Variants in TMPRSS4 observed in about 807,000 individuals in gnomAD.
The protein encoded by TMPRSS4 is transmembrane protease serine 4.
A neutral mutation model predicts 56.4 loss-of-function variants in TMPRSS4; 45 were observed. The ratio of observed to expected loss-of-function variants is 0.80; its 90% confidence interval spans 0.63 to 1.02. The LOEUF is 1.02. Ranked by LOEUF, TMPRSS4 falls within the 50% of genes least tolerant of loss-of-function variation. The pLI, the probability that TMPRSS4 is intolerant of heterozygous loss-of-function variation, is 0.00. For synonymous variants in TMPRSS4, 205 were observed against 211.0 expected, an observed-to-expected ratio of 0.97 and a Z score of 0.25; for missense variants, 546 against 556.7, an observed-to-expected ratio of 0.98 and a Z score of 0.19.
At chr11:118,106,433 G>A (rs1214246920) in intron 5 of TMPRSS4, 1 of 151,300 alleles carries the variant, frequency 6.6e-6, no homozygotes, top group Non-Finnish European at 1.5e-5. Context: ...TCTTGTCCTA[G>A]AACCATAGGC....
Position 118,118,925 on chromosome 11 carries a change from G to T in TMPRSS4, c.*1012G>T, listed in dbSNP as rs1947696238. The T allele has an allele frequency of 3.0e-6, 3 of 985,316 alleles. No homozygotes were observed. In the Admixed American group the frequency reaches 1.8e-4, roughly 61 times the overall value. 61.0% of individuals were successfully genotyped at this position (985,316 alleles called of 1,614,324 possible). A position where few individuals can be genotyped will look rare whatever the true frequency, so the allele number is the denominator to read the frequency against. On this transcript the variant is annotated 3_prime_UTR_variant, in exon 13 of 13. Coordinates refer to ENST00000437212, the MANE Select transcript of TMPRSS4 (RefSeq NM_019894.4). ...TGTGAGGCAGTCCCCAAGCTGAGTTGTGAGGATGTAAGCATGAATAAGTCC... is the reference window on the plus strand; with the variant it reads ...TGTGAGGCAGTCCCCAAGCTGAGTTTTGAGGATGTAAGCATGAATAAGTCC...
At chr11:118,115,361 C>T (rs1947493783) in intron 11 of TMPRSS4, 81 bp downstream of exon 11, 31 of 1,515,212 alleles carry the variant, frequency 2.0e-5, no homozygotes, top group Middle Eastern at 1.8e-4. Flanking sequence ...AGGCTGCATG[C>T]CCTACAGGAA....
At chr11:118,125,250 G>A (rs1453656991), downstream of TMPRSS4, 2 of 456,564 alleles carry the variant, frequency 4.4e-6, no homozygotes, top group Admixed American at 4.7e-5. Flanking sequence ...GAAGATGGGA[G>A]ACAGGAAGGA....
chr11:118,115,414 A>G, intron 11 of TMPRSS4, 134 bp downstream of exon 11: 9 of 1,129,766 alleles, frequency 8.0e-6, no homozygotes, highest in Non-Finnish European at 1.1e-5. Context: ...GATGGGAGGA[A>G]GAGAGGGAGG....
chr11:118,098,256 C>T (rs1157441708), intron 2 of TMPRSS4, among the ~76,000 whole-genome samples: 7 of 152,268 alleles, frequency 4.6e-5, no homozygotes, highest in African/African-American at 1.4e-4. Flanking sequence ...GCACACCAGG[C>T]AGCCTACAGG....
intron 3 of TMPRSS4, among the ~76,000 whole-genome samples, chr11:118,101,139 GC>G (rs1946708225): frequency 6.6e-6 from 1 of 152,066 alleles, no homozygotes; most frequent in South Asian, 2.1e-4. Context: ...AATTAGATGG[GC>G]CCTGGCTCTA....
intron 8 of TMPRSS4, among the ~76,000 whole-genome samples, 158 bp from the exon 9 acceptor site, chr11:118,113,111 G>C (rs538071813): frequency 1.2e-4 from 18 of 152,134 alleles, no homozygotes; most frequent in African/African-American, 4.3e-4. Flanking sequence ...GTAAGTGCCA[G>C]AAGACTGCCC....
chr11:118,118,269 G>T lies in TMPRSS4; in HGVS notation c.*356G>T, dbSNP rs903431593. On this transcript the variant is annotated 3_prime_UTR_variant, in exon 13 of 13. Coordinates refer to ENST00000437212, the MANE Select transcript of TMPRSS4 (RefSeq NM_019894.4). ...TAAAAGCCCAGATCACTGTGGGCTG[G>T]AGAGGAGAAGGAAAGGGTCTGCGCC... is the stretch of plus-strand genomic sequence containing the variant. 12 of 1,181,840 alleles carry T rather than the reference G, an allele frequency of 1.0e-5. No individual in the cohort carries two copies. The highest frequency in any genetic ancestry group is 4.2e-5 in the Admixed American group (1 of 23,694). 73.2% of individuals were successfully genotyped at this position (1,181,840 alleles called of 1,614,324 possible). A position where few individuals can be genotyped will look rare whatever the true frequency, so the allele number is the denominator to read the frequency against.
rs1192200326 is a variant in TMPRSS4, at chr11:118,115,242, T to C, written c.1114T>C (p.Cys372Arg). ...YQGEVTEKMM[C>R]AGIPEGGVDT... ...GGGGGAAGTCACCGAGAAGATGATGTGTGCAGGCATCCCGGAAGGGGGTGT... is the reference window on the plus strand; with the variant it reads ...GGGGGAAGTCACCGAGAAGATGATGCGTGCAGGCATCCCGGAAGGGGGTGT... The change falls in exon 11 of 13, where the codon TGT (cysteine) becomes CGT (arginine). Residue 372 changes from cysteine (C) to arginine (R), a missense_variant. By Grantham distance (180) the Cys-to-Arg change is radical (BLOSUM62 -3). Coordinates refer to ENST00000437212, the MANE Select transcript of TMPRSS4 (RefSeq NM_019894.4). 3.7e-6 allele frequency: 6 copies of C among 1,612,032 alleles called. No individual in the cohort carries two copies. Among genetic ancestry groups the C allele is most frequent in the Non-Finnish European group, 5.1e-6 (6 of 1,179,710 alleles).
At chr11:118,124,882 G>A (rs150720699), downstream of TMPRSS4, among the ~76,000 whole-genome samples, 81 of 152,268 alleles carry the variant, frequency 5.3e-4, no homozygotes, top group Middle Eastern at 0.014. Context: ...TTCAATTTCC[G>A]CTCAGCCTCC....
intron 2 of TMPRSS4, among the ~76,000 whole-genome samples, chr11:118,096,503 G>A (rs1179372301): frequency 3.3e-5 from 5 of 152,190 alleles, no homozygotes; most frequent in Non-Finnish European, 5.9e-5. Context: ...GGTAGAAGGG[G>A]CCGGGCATGG....
In TMPRSS4 at chr11:118,111,910, C is replaced by T. The variant is rs1043943880; in HGVS notation, c.743+10C>T. ...CAGCCCACTGCTTCAGGTAAGACCC[C>T]AGCTGTAAGGAGGTCTCTGGGGACC... On this transcript the variant is annotated intron_variant, in intron 8 of 12. Transcript: ENST00000437212. 6.2e-7 allele frequency: 1 copy of T among 1,604,238 alleles called. No homozygotes were observed. Among genetic ancestry groups the T allele is most frequent in the African/African-American group, 1.3e-5 (1 of 74,290 alleles).
chr11:118,124,136 C>T (rs987463185), downstream of TMPRSS4, among the ~76,000 whole-genome samples: 3 of 151,906 alleles, frequency 2.0e-5, no homozygotes, highest in Non-Finnish European at 4.4e-5. Flanking sequence ...CCTGTAATCC[C>T]AGCACTTTGG....
intron 1 of TMPRSS4, among the ~76,000 whole-genome samples, chr11:118,090,443 A>C (rs994159978): frequency 6.6e-6 from 1 of 151,966 alleles, no homozygotes; most frequent in Non-Finnish European, 1.5e-5. Context: ...ACAGGGATAG[A>C]ATTTTTTTCC....
intron 3 of TMPRSS4, among the ~76,000 whole-genome samples, chr11:118,100,130 C>A (rs1255040356): frequency 6.6e-6 from 1 of 152,178 alleles, no homozygotes; most frequent in Non-Finnish European, 1.5e-5. Flanking sequence ...AAGTCCTTCA[C>A]TGCCTCATAC....
chr11:118,109,072 C>T lies in TMPRSS4; in HGVS notation c.583+176C>T, dbSNP rs149655368. Among the ~76,000 whole-genome samples the T allele has an allele frequency of 9.3e-4, 141 of 152,332 alleles. 1 individual carries two copies. Among genetic ancestry groups the T allele is most frequent in the East Asian group, 3.3e-3 (17 of 5,190 alleles). Reference sequence around the variant, plus strand: ...GTTGTTGGTGGCCTTGGGCAGGTCACATTCTTTTTCTGGGTCTTTCCAAGC... The same window carrying T: ...GTTGTTGGTGGCCTTGGGCAGGTCATATTCTTTTTCTGGGTCTTTCCAAGC... On this transcript the variant is annotated intron_variant, in intron 7 of 12. Transcript: ENST00000437212.
At chr11:118,093,087 A>G (rs1288873905) in intron 1 of TMPRSS4, among the ~76,000 whole-genome samples, 1 of 152,216 alleles carries the variant, frequency 6.6e-6, no homozygotes, top group African/African-American at 2.4e-5. Context: ...TGTGTGCTAC[A>G]TCACAAGGCC....
intron 1 of TMPRSS4, among the ~76,000 whole-genome samples, chr11:118,081,751 G>GCATTCATTCATT (rs112018141): frequency 0.15 from 22,721 of 152,082 alleles, 1,871 homozygotes; most frequent in East Asian, 0.3. Context: ...AAATCTGTAT[G>GCATTCATTCATT]CATTCATTCA....
At chr11:118,097,590 T>G (rs904640576) in intron 2 of TMPRSS4, among the ~76,000 whole-genome samples, 2 of 152,200 alleles carry the variant, frequency 1.3e-5, no homozygotes, top group African/African-American at 4.8e-5. Context: ...TCTCTGATAC[T>G]TACTGATATT....
Sources: allele counts gnomAD v4.1 joint callset (sites outside exome capture counted in the v4.1 genomes callset), GRCh38; gene constraint gnomAD v4.1.1; transcripts MANE v1.5; gene names NCBI Gene and HGNC (gene_info 2026-07-23, HGNC 2026-07-21).